The following CDH13 variants were observed in gnomAD, a reference collection of about 807,000 sequenced individuals.
CDH13 encodes the protein cadherin-13.
A neutral mutation model predicts 63.8 loss-of-function variants in CDH13; 24 were observed. The ratio of observed to expected loss-of-function variants is 0.38; its 90% CI spans 0.27 to 0.53. The LOEUF is 0.53. CDH13 is among the 20% of genes least tolerant of loss of function. The pLI, the probability that CDH13 is intolerant of heterozygous loss-of-function variation, is 0.85. For synonymous variants in CDH13, 503 were observed against 355.3 expected, an observed-to-expected ratio of 1.42 and a Z score of -4.67; for missense variants, 1,049 against 903.1, an observed-to-expected ratio of 1.16 and a Z score of -2.07.
chr16:82,844,504 G>C (rs900765670), intron 1 of CDH13: 2 of 150,952 alleles, frequency 1.3e-5, no homozygotes, highest in East Asian at 2.0e-4. Flanking sequence ...GGGAGGCTGA[G>C]GCAGGAGAAT....
intron 1 of CDH13, among the ~76,000 whole-genome samples, chr16:82,640,758 G>C (rs76484963): frequency 2.6e-5 from 4 of 152,170 alleles, no homozygotes; most frequent in African/African-American, 7.2e-5. Flanking sequence ...CATATCACTA[G>C]ATTATTTGCA....
intron 3 of CDH13, among the ~76,000 whole-genome samples, chr16:83,098,925 C>A (rs2034337476): frequency 6.6e-6 from 1 of 152,078 alleles, no homozygotes; most frequent in Admixed American, 6.5e-5. Context: ...CTTATTTGAG[C>A]CTGATAATAA....
At position 83,074,687 on chromosome 16, in the gene CDH13, T is replaced by C. The variant is rs115714224; in HGVS notation, c.366+42469T>C. The stretch of plus-strand genomic sequence containing the variant: ...TATTTTTTGCAATGACTGATTTCTA[T>C]GAACAGGAGTCTTTGGAGCCTTCCT... On this transcript the variant is annotated intron_variant, in intron 3 of 13. Transcript: ENST00000567109. Among the ~76,000 whole-genome samples, 1,375 of 152,370 alleles carry C rather than the reference T, an allele frequency of 9.0e-3. 20 individuals carry two copies. The highest frequency in any genetic ancestry group is 0.027 in the African/African-American group (1,140 of 41,582).
At chr16:83,224,695 A>G (rs1321084877) in intron 5 of CDH13, among the ~76,000 whole-genome samples, 4 of 152,222 alleles carry the variant, frequency 2.6e-5, no homozygotes, top group African/African-American at 4.8e-5. Context: ...AACATTGGCA[A>G]TTTCATGGTT....
chr16:82,903,831 G>C (rs1344117664), intron 2 of CDH13, among the ~76,000 whole-genome samples: 1 of 152,106 alleles, frequency 6.6e-6, no homozygotes, highest in African/African-American at 2.4e-5. Flanking sequence ...GTAAATAAGA[G>C]CACTGAGGTT....
chr16:83,421,541 A>G (rs149209055), intron 6 of CDH13, among the ~76,000 whole-genome samples: 4 of 152,324 alleles, frequency 2.6e-5, no homozygotes, highest in African/African-American at 9.6e-5. Flanking sequence ...GTTGAAATGA[A>G]ATGAGATGAG....
At chr16:83,320,741 G>T (rs1184813227) in intron 5 of CDH13, among the ~76,000 whole-genome samples, 1 of 152,174 alleles carries the variant, frequency 6.6e-6, no homozygotes, top group Non-Finnish European at 1.5e-5. Context: ...GCTTATTAGA[G>T]TGTGTAGACC....
chr16:82,666,092 C>A (rs553154211), intron 1 of CDH13, among the ~76,000 whole-genome samples: 2 of 152,250 alleles, frequency 1.3e-5, no homozygotes, highest in East Asian at 3.9e-4. Context: ...GACTGTGATT[C>A]TTAAGTTAAT....
chr16:83,238,685 A>T (rs896932985), intron 5 of CDH13, among the ~76,000 whole-genome samples: 2 of 152,136 alleles, frequency 1.3e-5, no homozygotes. Context: ...CATCTCAGGC[A>T]CCTAAAGTCA....
intron 6 of CDH13, among the ~76,000 whole-genome samples, chr16:83,418,810 T>A (rs554724344): frequency 6.6e-6 from 1 of 152,272 alleles, no homozygotes; most frequent in South Asian, 2.1e-4. Context: ...AGAGTTCAAC[T>A]TGGAGTACTG....
chr16:83,063,245 A>T (rs1380155568), intron 3 of CDH13, among the ~76,000 whole-genome samples: 1 of 152,122 alleles, frequency 6.6e-6, no homozygotes, highest in Admixed American at 6.6e-5. Context: ...TACAGGTGTG[A>T]GCTATCACGC....
At position 82,851,430 on chromosome 16, in the gene CDH13, G is replaced by A. The variant is rs574480864; in HGVS notation, c.46-6932G>A. Among the ~76,000 whole-genome samples the A allele has an allele frequency of 1.1e-3, 66 of 59,742 alleles. 1 individual carries two copies. The South Asian group carries it at 0.029, about 26-fold the overall frequency. The allele number at this position is 59,742 out of a possible 152,430, so 39.2% of individuals were successfully genotyped here. A position where few individuals can be genotyped will look rare whatever the true frequency, so the allele number is the denominator to read the frequency against. ...AGCCTGGGTGACAGAGTGAGATTTC[G>A]TCTCAAAAAAAAAATAAAAAGAAAA... On this transcript the variant is annotated intron_variant, in intron 1 of 13. Transcript: ENST00000567109.
chr16:83,737,264 C>T (rs1031720053), intron 10 of CDH13, among the ~76,000 whole-genome samples: 5 of 152,274 alleles, frequency 3.3e-5, no homozygotes, highest in Non-Finnish European at 5.9e-5. Flanking sequence ...GACTCAAGTT[C>T]CTTGATATCT....
intron 3 of CDH13, among the ~76,000 whole-genome samples, chr16:83,082,492 G>T (rs1330816162): frequency 6.6e-6 from 1 of 151,972 alleles, no homozygotes; most frequent in African/African-American, 2.4e-5. Context: ...AAATAGCCAG[G>T]TGTGGTGGTG....
At chr16:82,897,387 T>C (rs2151234795) in intron 2 of CDH13, among the ~76,000 whole-genome samples, 1 of 152,348 alleles carries the variant, frequency 6.6e-6, no homozygotes, top group South Asian at 2.1e-4. Context: ...GAATAATGAA[T>C]AAATGAATGA....
At chr16:83,098,767 C>G (rs1294480569) in intron 3 of CDH13, among the ~76,000 whole-genome samples, 1 of 152,212 alleles carries the variant, frequency 6.6e-6, no homozygotes, top group African/African-American at 2.4e-5. Context: ...CTTCTTCCCT[C>G]TAGCTGCTCT....
At chr16:82,718,569 T>G (rs779835902) in intron 1 of CDH13, among the ~76,000 whole-genome samples, 2 of 152,182 alleles carry the variant, frequency 1.3e-5, no homozygotes, top group East Asian at 1.9e-4. Flanking sequence ...ATTTTCACGC[T>G]GCTGATAAAG....
chr16:82,950,491 G>A (rs957629376), intron 2 of CDH13, among the ~76,000 whole-genome samples: 1 of 152,142 alleles, frequency 6.6e-6, no homozygotes, highest in African/African-American at 2.4e-5. Flanking sequence ...TAGTGAGTAA[G>A]TCTCAGGAGA....
intron 1 of CDH13, among the ~76,000 whole-genome samples, chr16:82,794,675 C>G (rs192282571): frequency 3.9e-5 from 6 of 152,088 alleles, no homozygotes; most frequent in African/African-American, 1.4e-4. Context: ...GTTATGTTGC[C>G]ATGCCTTAGC....
Sources: gnomAD v4.1 joint callset for allele counts (sites outside exome capture counted in the v4.1 genomes callset) on GRCh38, gnomAD v4.1.1 for gene constraint, MANE v1.5 for transcripts, NCBI Gene and HGNC (gene_info 2026-07-23, HGNC 2026-07-21) for gene names.